GTPBP1: variants seen among roughly 807,000 people sequenced by gnomAD.
GTPBP1 encodes GTP-binding protein 1.
Under a neutral mutation model 62.0 loss-of-function variants are expected in GTPBP1, and 23 were observed. The observed-to-expected ratio is 0.37, with a 90% CI of 0.27 to 0.53. The LOEUF (loss-of-function observed/expected upper bound fraction) is 0.53, where lower values mean the gene tolerates loss of function less well. GTPBP1 is among the 20% of genes least tolerant of loss of function. GTPBP1 has a pLI of 0.89. For synonymous variants in GTPBP1, 344 were observed against 364.4 expected (o/e 0.94, Z 0.64); for missense variants, 640 against 917.3 (o/e 0.70, Z 3.90).
chr22:38,724,195 G>C, intron 5 of GTPBP1, 102 bp from the exon 6 acceptor site: 1 of 712,644 alleles, frequency 1.4e-6, no homozygotes, highest in East Asian at 2.5e-5. Context: ...CTATCTGTCT[G>C]TCTCCTGCTT....
rs900744835 is a variant in GTPBP1 at position 38,726,709 on chromosome 22, G to A, written c.1401+269G>A. ...AGGGTGGCCTGAGCTCAGTGGTGAG[G>A]TCAAATAGGAGTATCCCTGCTGTGC... is the stretch of plus-strand genomic sequence containing the variant. On this transcript the variant is annotated intron_variant, in intron 8 of 11. Coordinates refer to ENST00000216044, the MANE Select transcript of GTPBP1 (RefSeq NM_004286.5). This position sits in a 1 kb window ranked among gnomAD's most constrained non-coding sequence, Gnocchi z 4.1. Among the ~76,000 whole-genome samples the A allele has an allele frequency of 6.6e-6, 1 of 152,180 alleles. No homozygotes were observed. Among genetic ancestry groups the A allele is most frequent in the Non-Finnish European group, 1.5e-5 (1 of 68,018 alleles).
chr22:38,740,321 C>T (rs141051927), downstream of GTPBP1: 3,246 of 1,602,598 alleles, frequency 2.0e-3, 12 homozygotes, highest in Non-Finnish European at 2.0e-3. This position sits in a 1 kb window ranked among gnomAD's most constrained non-coding sequence, Gnocchi z 4.8. Context: ...CTTCCGCCAC[C>T]GAGCTCTGCT....
At position 38,731,219 on chromosome 22, in the gene GTPBP1, A is replaced by G. The variant is rs1372537404; in HGVS notation, c.*515A>G. The G allele has an allele frequency of 6.5e-6, 1 of 152,844 alleles. No individual in the cohort carries two copies. Among genetic ancestry groups the G allele is most frequent in the East Asian group, 1.9e-4 (1 of 5,186 alleles). 9.5% of individuals were successfully genotyped at this position (152,844 alleles called of 1,614,324 possible). On this transcript the variant is annotated 3_prime_UTR_variant, in exon 12 of 12. Transcript: ENST00000216044. ...CTCTTGGCACTCAGGGGCACCTTCC[A>G]TGGAGCCAGACCGGGTGGAGGGGCT...
chr22:38,738,420 G>A (rs2092825918), downstream of GTPBP1: 1 of 1,136,178 alleles, frequency 8.8e-7, no homozygotes. The surrounding 1 kb of genome is among the most constrained non-coding windows in gnomAD (Gnocchi z 6.6). Context: ...TGCCTCCAAA[G>A]CCTAAGGTAA....
chr22:38,715,767 G>A, intron 2 of GTPBP1, 140 bp from the exon 3 acceptor site: 2 of 671,212 alleles, frequency 3.0e-6, no homozygotes, highest in Non-Finnish European at 5.2e-6. Context: ...TTTTCTCTCA[G>A]GTAGAGAGGA....
Position 38,726,396 on chromosome 22 carries a change from A to C in GTPBP1, c.1357A>C (p.Lys453Gln). 6.2e-7 allele frequency: 1 copy of C among 1,614,038 alleles called. No homozygotes were observed. Among genetic ancestry groups the C allele is most frequent in the Non-Finnish European group, 8.5e-7 (1 of 1,180,006 alleles). Residue 453 changes from lysine (K) to glutamine (Q), a missense_variant, in exon 8 of 12, where the codon AAG becomes CAG. By Grantham distance (53) the Lys-to-Gln change is moderately conservative. Transcript: ENST00000216044. The surrounding 1 kb of genome is among the most constrained non-coding windows in gnomAD (Gnocchi z 4.1). ...CATCCATCGCAAGCGCATGCCTGTC[A>C]AGGAGGTGCGGGGTGGCCAGACAGC... is the stretch of plus-strand genomic sequence containing the variant. Reference protein sequence around the residue: ...KSIHRKRMPVKEVRGGQTASF... With the variant: ...KSIHRKRMPVQEVRGGQTASF...
chr22:38,740,890 A>T, downstream of GTPBP1: 2 of 1,172,820 alleles, frequency 1.7e-6, no homozygotes, highest in Non-Finnish European at 2.5e-6. The surrounding 1 kb of genome is among the most constrained non-coding windows in gnomAD (Gnocchi z 4.8). Context: ...TCCCCCTACC[A>T]TCTGCTTGGC....
At chr22:38,718,250 G>A (rs908625778) in intron 4 of GTPBP1, among the ~76,000 whole-genome samples, 2 of 152,126 alleles carry the variant, frequency 1.3e-5, no homozygotes, top group Non-Finnish European at 2.9e-5. Flanking sequence ...GGAGTTGTTG[G>A]GTTGATATTA....
In GTPBP1 at chr22:38,708,876, A is replaced by G. The variant is rs755490104; in HGVS notation, c.224A>G (p.Tyr75Cys). The G allele has an allele frequency of 1.2e-6, 2 of 1,611,546 alleles. No individual in the cohort carries two copies. Among genetic ancestry groups the G allele is most frequent in the Non-Finnish European group, 1.7e-6 (2 of 1,177,610 alleles). The change falls in exon 2 of 12, where the codon TAT (tyrosine) becomes TGT (cysteine). Residue 75 changes from tyrosine (Y) to cysteine (C), a missense_variant. Tyr to Cys is a radical substitution (Grantham distance 194). Coordinates refer to ENST00000216044, the MANE Select transcript of GTPBP1 (RefSeq NM_004286.5). ...CTAGTGAGCCCTACATCAGAGCAGTATGACAGCCTACTTCGGCAGATGTGG... is the reference window on the plus strand; with the variant it reads ...CTAGTGAGCCCTACATCAGAGCAGTGTGACAGCCTACTTCGGCAGATGTGG... ...LVLVSPTSEQYDSLLRQMWER... is the reference protein window; with the variant it reads ...LVLVSPTSEQCDSLLRQMWER...
In GTPBP1 at chr22:38,722,825, G is replaced by T. The variant is rs2092707605; in HGVS notation, c.958+960G>T. On this transcript the variant is annotated intron_variant, in intron 5 of 11. Coordinates refer to ENST00000216044, the MANE Select transcript of GTPBP1 (RefSeq NM_004286.5). ...GAGAATCCAGTGTCCAGTTTGCTGG[G>T]CAGACTTCTCCATGGGTTTCTACAT... 12 of 1,577,554 alleles carry T rather than the reference G, an allele frequency of 7.6e-6. No individual in the cohort carries two copies. In the Admixed American group the frequency reaches 1.2e-4, roughly 15 times the overall value.
At chr22:38,720,691 G>A (rs1344519319) in intron 4 of GTPBP1, among the ~76,000 whole-genome samples, 1 of 152,062 alleles carries the variant, frequency 6.6e-6, no homozygotes, top group African/African-American at 2.4e-5. Context: ...CAGTCCTTAC[G>A]GTGATATTTG....
downstream of GTPBP1, chr22:38,736,185 C>T (rs763220478): frequency 3.8e-6 from 5 of 1,320,284 alleles, no homozygotes; most frequent in South Asian, 2.4e-5. Flanking sequence ...GAAGTCAGAG[C>T]GCCGAGCAAG....
chr22:38,724,494 G>A (rs955717106), intron 6 of GTPBP1, 83 bp downstream of exon 6: 1 of 794,710 alleles, frequency 1.3e-6, no homozygotes, highest in Non-Finnish European at 2.2e-6. Flanking sequence ...ATGGCTGTCA[G>A]TTTGGGCATA....
At chr22:38,729,749 C>T in intron 11 of GTPBP1, 87 bp downstream of exon 11, 1 of 1,046,892 alleles carries the variant, frequency 9.6e-7, no homozygotes, top group Non-Finnish European at 1.3e-6. Flanking sequence ...GTAGGCAAGC[C>T]TCAAACCTGG....
rs1378715107 is a variant in GTPBP1 at position 38,716,878 on chromosome 22, A to T, written c.712A>T (p.Thr238Ser). The part of the protein sequence containing the change: ...PDSHGGSLEW[T>S]KICEKSTKVI... Reference sequence around the variant, plus strand: ...CAGCCACGGCGGCAGCCTGGAGTGGACCAAGATCTGTGAGAAGTCCACGAA... The same window carrying T: ...CAGCCACGGCGGCAGCCTGGAGTGGTCCAAGATCTGTGAGAAGTCCACGAA... Residue 238 changes from threonine (T) to serine (S), a missense_variant, in exon 4 of 12, where the codon ACC (threonine) becomes TCC (serine). Thr to Ser is a moderately conservative substitution (Grantham distance 58). Transcript: ENST00000216044. This position sits in a 1 kb window ranked among gnomAD's most constrained non-coding sequence, Gnocchi z 5.2. 6.2e-7 allele frequency: 1 copy of T among 1,613,990 alleles called. No homozygotes were observed. The highest frequency in any genetic ancestry group is 1.3e-5 in the African/African-American group (1 of 74,932).
chr22:38,707,928 T>C (rs945318898), intron 1 of GTPBP1, among the ~76,000 whole-genome samples: 5 of 152,222 alleles, frequency 3.3e-5, no homozygotes, highest in Admixed American at 6.5e-5. Flanking sequence ...TGTGGAGACC[T>C]AAGGCTCCGA....
In GTPBP1 at chr22:38,719,588, GTGA is replaced by G. The variant is rs575194530; in HGVS notation, c.835-2153_835-2151del. ...CTCCCAAGGTGCTGGGATTACAGGT[GTGA>G]GCCACCGTGCCCAGCCAAGTATATA... On this transcript the variant is annotated intron_variant, in intron 4 of 11. Coordinates refer to ENST00000216044, the MANE Select transcript of GTPBP1 (RefSeq NM_004286.5). Among the ~76,000 whole-genome samples the G allele has an allele frequency of 6.6e-5, 10 of 151,758 alleles. No homozygotes were observed. In the South Asian group the frequency reaches 8.3e-4, roughly 13 times the overall value.
At chr22:38,721,054 C>T (rs1450912993) in intron 4 of GTPBP1, among the ~76,000 whole-genome samples, 1 of 152,154 alleles carries the variant, frequency 6.6e-6, no homozygotes, top group Non-Finnish European at 1.5e-5. Flanking sequence ...TACAGCGTAT[C>T]CTGCCACACC....
chr22:38,708,899 T>C lies in GTPBP1; in HGVS notation c.247T>C (p.Trp83Arg), dbSNP rs756871137. 6.2e-7 allele frequency: 1 copy of C among 1,611,730 alleles called. No individual in the cohort carries two copies. The highest frequency in any genetic ancestry group is 2.2e-5 in the East Asian group (1 of 44,878). ...GTATGACAGCCTACTTCGGCAGATG[T>C]GGGAGAGGATGGACGAGGGATGCGG... ...EQYDSLLRQM[W>R]ERMDEGCGET... The change falls in exon 2 of 12, where the codon TGG becomes CGG. Residue 83 changes from tryptophan (W) to arginine (R), a missense_variant. Physicochemically the swap from Trp to Arg is moderately radical, Grantham distance 101. Coordinates refer to ENST00000216044, the MANE Select transcript of GTPBP1 (RefSeq NM_004286.5).
Sources: allele counts gnomAD v4.1 joint callset (sites outside exome capture counted in the v4.1 genomes callset), GRCh38; gene constraint gnomAD v4.1.1; non-coding constraint Gnocchi (gnomAD v3.1); transcripts MANE v1.5; gene names NCBI Gene and HGNC (gene_info 2026-07-23, HGNC 2026-07-21).